Variants in SEMA4A observed in about 807,000 individuals in gnomAD.
SEMA4A encodes semaphorin 4A.
A neutral mutation model predicts 72.5 loss-of-function variants in SEMA4A; 52 were observed. That is an observed-to-expected ratio of 0.72 (90% confidence interval 0.57 to 0.90). The LOEUF is 0.90. SEMA4A is among the 40% of genes least tolerant of loss of function. The pLI is 0.00. For missense variants in SEMA4A, 926 were observed against 959.7 expected, an observed-to-expected ratio of 0.96 and a Z score of 0.46; for synonymous variants, 369 against 393.1, an observed-to-expected ratio of 0.94 and a Z score of 0.73.
chr1:156,161,497 A>G lies in SEMA4A; in HGVS notation c.962A>G (p.Tyr321Cys). ...GATTCTCCCACAGCTCCCCACATCT[A>G]CGCAGTCTTCACCTCCCAGTGGTGA... is the stretch of plus-strand genomic sequence containing the variant. ...PADSPTAPHI[Y>C]AVFTSQWQVG... The change falls in exon 9 of 15, where the codon TAC (tyrosine) becomes TGC (cysteine). Residue 321 changes from tyrosine to cysteine, a missense_variant. Tyr to Cys is a radical substitution (Grantham distance 194). Coordinates refer to ENST00000368285, the MANE Select transcript of SEMA4A (RefSeq NM_022367.4). The G allele has an allele frequency of 2.5e-6, 4 of 1,613,924 alleles. No individual in the cohort carries two copies. The highest frequency in any genetic ancestry group is 1.7e-4 in the Middle Eastern group (1 of 6,038).
chr1:156,161,991 G>T (rs1168910282), intron 9 of SEMA4A, among the ~76,000 whole-genome samples: 1 of 152,160 alleles, frequency 6.6e-6, no homozygotes, highest in Admixed American at 6.5e-5. Flanking sequence ...GGCCGGGTGC[G>T]GTGGCTCATG....
At chr1:156,156,702 G>A in intron 3 of SEMA4A, 128 bp downstream of exon 3, 1 of 850,606 alleles carries the variant, frequency 1.2e-6, no homozygotes, top group South Asian at 1.5e-5. Flanking sequence ...CTCTTTATAT[G>A]TATATCGTGA....
upstream of SEMA4A, among the ~76,000 whole-genome samples, chr1:156,153,169 T>C (rs991453216): frequency 5.3e-5 from 8 of 152,130 alleles, no homozygotes; most frequent in African/African-American, 1.9e-4. Flanking sequence ...CTAATACAAT[T>C]ATTTTATTTT....
intron 4 of SEMA4A, 46 bp downstream of exon 4, chr1:156,158,178 G>A (rs1210606500): frequency 1.3e-6 from 2 of 1,599,530 alleles, no homozygotes; most frequent in African/African-American, 2.7e-5. Flanking sequence ...AGAGAGCTCT[G>A]GCATCCCTAG....
upstream of SEMA4A, among the ~76,000 whole-genome samples, chr1:156,152,752 C>T (rs979006644): frequency 2.0e-5 from 3 of 152,154 alleles, no homozygotes; most frequent in African/African-American, 7.2e-5. Context: ...GGAAGTTACA[C>T]TACAGGAAGG....
chr1:156,161,217 G>T, intron 8 of SEMA4A, 129 bp from the exon 9 acceptor site: 1 of 604,548 alleles, frequency 1.7e-6, no homozygotes, highest in Non-Finnish European at 2.5e-6. Flanking sequence ...TGGCTGAGGG[G>T]GCGGGGTGGG....
rs994393578 is a variant in SEMA4A at position 156,158,242 on chromosome 1, G to T, written c.363+110G>T. 6 of 1,309,458 alleles carry T rather than the reference G, an allele frequency of 4.6e-6. No homozygotes were observed. The Admixed American group carries it at 5.1e-5, about 11-fold the overall frequency. The allele number at this position is 1,309,458 out of a possible 1,614,324, so 81.1% of individuals were successfully genotyped here. A position where few individuals can be genotyped will look rare whatever the true frequency, so the allele number is the denominator to read the frequency against. On this transcript the variant is annotated intron_variant, in intron 4 of 14. Transcript: ENST00000368285. ...GGCAGTGGAGGGCACTTGTTTGCAC[G>T]GTTATCTCCTGGATTATGTTCTACA... is the stretch of plus-strand genomic sequence containing the variant.
rs779026627 is a variant in SEMA4A at position 156,176,808 on chromosome 1, C to T, written c.2097C>T (p.Leu699=). ...TTGCCTTAGTGCTTTCAGGAGCCCT[C>T]ATCATCCTCGTGGCCTCCCCATTGA... ...VLFALVLSGA[L]IILVASPLRA... is the part of the protein sequence containing the mutation. The change falls in exon 15 of 15, where the codon CTC becomes CTT. Residue 699 remains leucine (L), a synonymous_variant. Transcript: ENST00000368285. The T allele has an allele frequency of 6.2e-7, 1 of 1,614,054 alleles. No homozygotes were observed. Among genetic ancestry groups the T allele is most frequent in the Non-Finnish European group, 8.5e-7 (1 of 1,179,884 alleles).
upstream of SEMA4A, among the ~76,000 whole-genome samples, chr1:156,150,526 C>G (rs1053207617): frequency 2.6e-5 from 4 of 152,088 alleles, no homozygotes; most frequent in Admixed American, 2.0e-4. Flanking sequence ...TGTGGGCTGC[C>G]CCTGAAGCTG....
intron 13 of SEMA4A, 127 bp downstream of exon 13, chr1:156,175,370 AG>A (rs1655215278): frequency 7.9e-7 from 1 of 1,273,770 alleles, no homozygotes; most frequent in Non-Finnish European, 1.1e-6. Context: ...CCCATCCTGC[AG>A]TGGGTTCCTC....
rs149851232 is a variant in SEMA4A at position 156,169,808 on chromosome 1, T to C, written c.1135-3018T>C. ...TTGGAAGGCCGAGGCACGTGGATCA[T>C]GAGGTCAGGAGATCGTGACCATCCT... On this transcript the variant is annotated intron_variant, in intron 10 of 14. Coordinates refer to ENST00000368285, the MANE Select transcript of SEMA4A (RefSeq NM_022367.4). Among the ~76,000 whole-genome samples, 374 of 149,644 alleles carry C rather than the reference T, an allele frequency of 2.5e-3. 6 individuals carry two copies. The East Asian group carries it at 0.054, about 22-fold the overall frequency.
chr1:156,156,694 C>T (rs1215445878), intron 3 of SEMA4A, 120 bp downstream of exon 3: 13 of 918,372 alleles, frequency 1.4e-5, no homozygotes, highest in Non-Finnish European at 2.1e-5. Flanking sequence ...CAGCAGTTCT[C>T]TTTATATGTA....
At chr1:156,172,682 A>G in intron 10 of SEMA4A, 144 bp from the exon 11 acceptor site, 1 of 791,146 alleles carries the variant, frequency 1.3e-6, no homozygotes, top group Non-Finnish European at 2.2e-6. Flanking sequence ...ACAATCAGGC[A>G]GCTCCAGAGT....
At chr1:156,176,175 G>A (rs1297225677) in intron 14 of SEMA4A, among the ~76,000 whole-genome samples, 1 of 152,002 alleles carries the variant, frequency 6.6e-6, no homozygotes. Context: ...AGCTATTCGG[G>A]AGGCTGGGGT....
intron 2 of SEMA4A, 68 bp downstream of exon 2, chr1:156,154,785 G>A (rs1420011108): frequency 1.3e-6 from 2 of 1,529,264 alleles, no homozygotes; most frequent in East Asian, 4.8e-5. Flanking sequence ...AGGAAGGAGA[G>A]AGGAACAGAG....
chr1:156,169,652 C>T (rs112948862), intron 10 of SEMA4A, among the ~76,000 whole-genome samples: 59,175 of 149,652 alleles, frequency 0.4, 11,785 homozygotes, highest in South Asian at 0.44. Flanking sequence ...GATCTCCTGA[C>T]CTCGTGATCC....
Position 156,160,424 on chromosome 1 carries a change from C to A in SEMA4A, c.569-19C>A. On this transcript the variant is annotated intron_variant, in intron 6 of 14. Transcript: ENST00000368285. Reference sequence around the variant, plus strand: ...CCCTCCACCCCATCAGTTCTCTCTTCTCCTCTCCTCCACCCTAGATGGGAT... The same window carrying A: ...CCCTCCACCCCATCAGTTCTCTCTTATCCTCTCCTCCACCCTAGATGGGAT... The A allele has an allele frequency of 1.3e-6, 2 of 1,587,220 alleles. No individual in the cohort carries two copies. Among genetic ancestry groups the A allele is most frequent in the Non-Finnish European group, 1.7e-6 (2 of 1,155,748 alleles).
chr1:156,149,523 G>A (rs373643550), upstream of SEMA4A, among the ~76,000 whole-genome samples: 44 of 152,312 alleles, frequency 2.9e-4, no homozygotes, highest in East Asian at 8.5e-3. Flanking sequence ...GGCTCCTTGG[G>A]GTTCTTAACA....
chr1:156,174,931 C>A lies in SEMA4A; in HGVS notation c.1425C>A (p.Ala475=). Residue 475 remains alanine (A), a synonymous_variant, in exon 12 of 15, where the codon GCC becomes GCA. Transcript: ENST00000368285. ...AACCTGTTCGCAACCTGCAGCTGGC[C>A]CCCACCCAGGTGGGAAGGGACCTGA... ...DPEPVRNLQL[A]PTQGAVFVGF... The A allele has an allele frequency of 6.2e-7, 1 of 1,614,216 alleles. No homozygotes were observed. The highest frequency in any genetic ancestry group is 1.3e-5 in the African/African-American group (1 of 75,046).
Sources: gnomAD v4.1 joint callset for allele counts (sites outside exome capture counted in the v4.1 genomes callset) on GRCh38, gnomAD v4.1.1 for gene constraint, MANE v1.5 for transcripts, NCBI Gene and HGNC (gene_info 2026-07-23, HGNC 2026-07-21) for gene names.